The following TBC1D1 variants were observed in gnomAD, a reference collection of about 807,000 sequenced individuals.
TBC1D1 encodes the protein TBC1 (tre-2/USP6, BUB2, cdc16) domain family, member 1.
A neutral mutation model predicts 125.6 loss-of-function variants in TBC1D1; 89 were observed. That is an observed-to-expected ratio of 0.71 (90% CI 0.60 to 0.85). The LOEUF (loss-of-function observed/expected upper bound fraction) is 0.85, where lower values mean the gene tolerates loss of function less well. Ranked by LOEUF, TBC1D1 falls within the 40% of genes least tolerant of loss-of-function variation. TBC1D1 has a pLI of 0.00. For synonymous variants in TBC1D1, 565 were observed against 564.1 expected (o/e 1.00, Z -0.02); for missense variants, 1,377 against 1,469.2 (o/e 0.94, Z 1.03).
chr4:38,063,793 T>C (rs2152500324), intron 12 of TBC1D1, among the ~76,000 whole-genome samples: 1 of 152,280 alleles, frequency 6.6e-6, no homozygotes, highest in East Asian at 1.9e-4. Context: ...CAAGCCTGGC[T>C]AATTTTTATA....
chr4:38,054,411 G>T, intron 12 of TBC1D1, 73 bp downstream of exon 14: 6 of 1,595,156 alleles, frequency 3.8e-6, no homozygotes, highest in Non-Finnish European at 5.1e-6. Flanking sequence ...CCATCATATT[G>T]GTAAGAAAGC....
rs377501244 is a variant in TBC1D1 at position 38,004,600 on chromosome 4, T to C, written c.418-9909T>C. The stretch of plus-strand genomic sequence containing the variant: ...CTATCAGAAAGGAATGAGATGGTTC[T>C]AATATGGGTTCTAGTGAAATATGCC... On this transcript the variant is annotated intron_variant, in intron 2 of 19. Coordinates refer to ENST00000261439, the MANE Select transcript of TBC1D1 (RefSeq NM_015173.4). Among the ~76,000 whole-genome samples the C allele has an allele frequency of 3.3e-5, 5 of 152,220 alleles. No homozygotes were observed. In the East Asian group the frequency reaches 5.8e-4, roughly 18 times the overall value.
chr4:37,939,315 A>T (rs1725046425), intron 2 of TBC1D1, among the ~76,000 whole-genome samples: 1 of 152,194 alleles, frequency 6.6e-6, no homozygotes, highest in Non-Finnish European at 1.5e-5. Flanking sequence ...TTGGCTGCAT[A>T]AATGTCTTCT....
intron 12 of TBC1D1, among the ~76,000 whole-genome samples, chr4:38,084,643 T>G (rs970697139): frequency 6.6e-6 from 1 of 152,270 alleles, no homozygotes; most frequent in East Asian, 1.9e-4. Flanking sequence ...CTCCAGAGAT[T>G]TAATGTTCAA....
intron 18 of TBC1D1, among the ~76,000 whole-genome samples, chr4:38,129,696 A>G (rs1348432321): frequency 1.3e-5 from 2 of 152,220 alleles, no homozygotes; most frequent in Non-Finnish European, 2.9e-5. Context: ...CTGAGTCTAC[A>G]ATAGCAAATG....
chr4:37,997,427 G>T (rs1301401025), intron 2 of TBC1D1, among the ~76,000 whole-genome samples: 2 of 152,212 alleles, frequency 1.3e-5, no homozygotes, highest in South Asian at 4.1e-4. Context: ...ACTGTATGCC[G>T]TTTCACTTGT....
At chr4:38,018,112 T>C (rs970570456) in intron 3 of TBC1D1, among the ~76,000 whole-genome samples, 3 of 151,928 alleles carry the variant, frequency 2.0e-5, no homozygotes, top group African/African-American at 7.3e-5. Context: ...TCTTGAGGCC[T>C]ATTGCTAACT....
intron 18 of TBC1D1, among the ~76,000 whole-genome samples, chr4:38,126,133 CAT>C (rs1764607885): frequency 3.3e-5 from 5 of 152,206 alleles, no homozygotes; most frequent in African/African-American, 7.2e-5. Context: ...ATCTGTATGA[CAT>C]GTGACTATAC....
intron 19 of TBC1D1, among the ~76,000 whole-genome samples, chr4:38,136,834 G>A (rs1182408240): frequency 3.3e-5 from 5 of 152,096 alleles, no homozygotes; most frequent in Non-Finnish European, 5.9e-5. Context: ...TCTGGTGGTG[G>A]TGCCTGGGGG....
At chr4:38,007,648 T>C (rs1036795074) in intron 2 of TBC1D1, among the ~76,000 whole-genome samples, 1 of 152,248 alleles carries the variant, frequency 6.6e-6, no homozygotes, top group African/African-American at 2.4e-5. Context: ...TAGCACTTGC[T>C]TTCCACCCTG....
rs1715002624 is a variant in TBC1D1, at chr4:37,897,955, G to T, written c.-93-4048G>T. On this transcript the variant is annotated intron_variant, in intron 1 of 19. Coordinates refer to ENST00000261439, the MANE Select transcript of TBC1D1 (RefSeq NM_015173.4). ...AGCTGTGCTTTAAAGGACAGTCAGG[G>T]ACTTTACTTTCATGAAATGCCTGAG... 1.3e-5 allele frequency among the ~76,000 whole-genome samples: 2 copies of T among 152,126 alleles called. 1 individual carries two copies. Among genetic ancestry groups the T allele is most frequent in the South Asian group, 4.1e-4 (2 of 4,828 alleles).
intron 2 of TBC1D1, among the ~76,000 whole-genome samples, chr4:37,936,066 G>GTCCT: frequency 6.6e-6 from 1 of 152,200 alleles, no homozygotes; most frequent in South Asian, 2.1e-4. Context: ...ATACCATGCT[G>GTCCT]TCCTTCCTTT....
intron 7 of TBC1D1, among the ~76,000 whole-genome samples, chr4:38,028,995 A>C (rs1745623975): frequency 2.0e-5 from 3 of 152,180 alleles, no homozygotes; most frequent in South Asian, 4.1e-4. Context: ...ATAAACTTGG[A>C]AGCTAGCTCT....
In TBC1D1 at chr4:37,995,810, A is replaced by G. The variant is rs1469436652; in HGVS notation, c.418-18699A>G. On this transcript the variant is annotated intron_variant, in intron 2 of 19. Coordinates refer to ENST00000261439, the MANE Select transcript of TBC1D1 (RefSeq NM_015173.4). The surrounding 1 kb of genome is among the most constrained non-coding windows in gnomAD (Gnocchi z 4.3). ...TGGATTGCTACCCCAAATCATTTGC[A>G]TCCTCAGTCTTGGGGATCAGGTGCT... The G allele has an allele frequency of 1.8e-6, 1 of 549,540 alleles. No homozygotes were observed. Among genetic ancestry groups the G allele is most frequent in the Non-Finnish European group, 3.6e-6 (1 of 274,644 alleles). The allele number at this position is 549,540 out of a possible 1,614,324, so 34.0% of individuals were successfully genotyped here.
At chr4:38,046,909 T>C (rs1749597915) in intron 10 of TBC1D1, among the ~76,000 whole-genome samples, 1 of 152,158 alleles carries the variant, frequency 6.6e-6, no homozygotes, top group Non-Finnish European at 1.5e-5. Flanking sequence ...AGGGAGTGTT[T>C]GTGGAGGCCA....
At chr4:38,032,361 G>C (rs1746331459) in intron 7 of TBC1D1, among the ~76,000 whole-genome samples, 1 of 152,102 alleles carries the variant, frequency 6.6e-6, no homozygotes, top group Non-Finnish European at 1.5e-5. Context: ...TTGCCTCATA[G>C]TCCTGTTTTG....
At chr4:37,901,134 G>A (rs1461544154) in intron 1 of TBC1D1, among the ~76,000 whole-genome samples, 1 of 151,906 alleles carries the variant, frequency 6.6e-6, no homozygotes, top group African/African-American at 2.4e-5. Flanking sequence ...TTTGGGTTTG[G>A]GTTTGGTAGA....
At chr4:38,094,582 C>T (rs745469156) in intron 13 of TBC1D1, among the ~76,000 whole-genome samples, 2 of 152,152 alleles carry the variant, frequency 1.3e-5, no homozygotes, top group South Asian at 4.1e-4. Flanking sequence ...TGTTAGGATA[C>T]GGAAACAGCA....
chr4:38,072,611 A>AT (rs1217728469), intron 12 of TBC1D1, among the ~76,000 whole-genome samples: 7 of 152,186 alleles, frequency 4.6e-5, no homozygotes, highest in African/African-American at 1.4e-4. Context: ...TTTAAAAAAA[A>AT]TTTTTTATTG....
Sources: gnomAD v4.1 joint callset for allele counts (sites outside exome capture counted in the v4.1 genomes callset) on GRCh38, gnomAD v4.1.1 for gene constraint, Gnocchi (gnomAD v3.1) non-coding constraint, MANE v1.5 for transcripts, NCBI Gene and HGNC (gene_info 2026-07-23, HGNC 2026-07-21) for gene names.